The following EVI5 variants were observed in gnomAD, a reference collection of about 807,000 sequenced individuals.
The protein encoded by EVI5 is ecotropic viral integration site 5 protein homolog.
In EVI5, 73 loss-of-function variants were observed where a neutral mutation model predicts 112.0. The observed-to-expected ratio is 0.65, with a 90% CI of 0.54 to 0.79. EVI5 has a LOEUF of 0.79. Ranked by LOEUF, EVI5 falls within the 30% of genes least tolerant of loss-of-function variation. The pLI is 0.00. For missense variants in EVI5, 900 were observed against 968.8 expected (o/e 0.93, Z 0.94); for synonymous variants, 305 against 319.9 (o/e 0.95, Z 0.50).
At chr1:92,703,333 A>G in intron 4 of EVI5, 62 bp downstream of exon 4, 1 of 1,012,158 alleles carries the variant, frequency 9.9e-7, no homozygotes, top group South Asian at 1.6e-5. Flanking sequence ...ATCATGAAAA[A>G]TGTATAATTT....
intron 1 of EVI5, among the ~76,000 whole-genome samples, chr1:92,738,641 T>G (rs191231488): frequency 6.6e-6 from 1 of 152,176 alleles, no homozygotes; most frequent in East Asian, 1.9e-4. Context: ...TAGACCTCAC[T>G]GAAATGGAAT....
Position 92,611,317 on chromosome 1 carries a change from C to CA in EVI5, c.1828-3591dup, listed in dbSNP as rs544942134. Among the ~76,000 whole-genome samples, 39 of 151,878 alleles carry CA rather than the reference C, an allele frequency of 2.6e-4. No homozygotes were observed. In the South Asian group the frequency reaches 7.1e-3, roughly 27 times the overall value. On this transcript the variant is annotated intron_variant, in intron 16 of 19. Transcript: ENST00000684568. ...AAATGTCTAGCAGATATTTCAATGG[C>CA]AAAAATTCATAATGCTTAAAAAAGA...
At position 92,513,935 on chromosome 1, in the gene EVI5, G is replaced by A. The variant is rs1359092754; in HGVS notation, c.2202C>T (p.Gly734=). 6 of 1,585,270 alleles carry A rather than the reference G, an allele frequency of 3.8e-6. No homozygotes were observed. The South Asian group carries it at 5.8e-5, about 15-fold the overall frequency. ...TGTGGATTCCATCAAAAGGAGGTTG[G>A]CCTGAGAAGCCCCTCTGGCCTTTTA... is the stretch of plus-strand genomic sequence containing the variant. ...RCLKGQRGFS[G]QPPFDGIHIV... is the part of the protein sequence containing the mutation. Residue 734 remains glycine (G), a synonymous_variant, in exon 20 of 20, where the codon GGC becomes GGT. Coordinates refer to ENST00000684568, the MANE Select transcript of EVI5 (RefSeq NM_001350197.2).
rs903319398 is a variant in EVI5, at chr1:92,511,723, T to C, written c.*1933A>G. Reference sequence around the variant, plus strand: ...TTACTAGCTTGTAACCACAGATAAGTTATTTAACCACCAGAATTTAGCCTG... The same window carrying C: ...TTACTAGCTTGTAACCACAGATAAGCTATTTAACCACCAGAATTTAGCCTG... On this transcript the variant is annotated 3_prime_UTR_variant, in exon 20 of 20. Coordinates refer to ENST00000684568, the MANE Select transcript of EVI5 (RefSeq NM_001350197.2). The C allele has an allele frequency of 6.6e-6, 1 of 152,070 alleles. No homozygotes were observed. The highest frequency in any genetic ancestry group is 2.4e-5 in the African/African-American group (1 of 41,390). 9.4% of individuals were successfully genotyped at this position (152,070 alleles called of 1,614,324 possible).
At chr1:92,589,224 T>A (rs1673304623) in intron 18 of EVI5, among the ~76,000 whole-genome samples, 1 of 152,176 alleles carries the variant, frequency 6.6e-6, no homozygotes, top group South Asian at 2.1e-4. Context: ...CATTTCCAAC[T>A]GAGGTACTGC....
intron 16 of EVI5, 82 bp from the exon 17 acceptor site, chr1:92,607,809 T>C: frequency 5.9e-6 from 5 of 841,174 alleles, no homozygotes; most frequent in Non-Finnish European, 7.1e-6. Flanking sequence ...TTTTATACCA[T>C]AACATTATTA....
upstream of EVI5, among the ~76,000 whole-genome samples, chr1:92,786,113 TATA>T (rs1037035960): frequency 1.3e-5 from 2 of 151,416 alleles, no homozygotes; most frequent in South Asian, 2.1e-4. Context: ...GGACAAAAAT[TATA>T]ATAATTAGCA....
At chr1:92,583,033 C>A (rs1298059069) in intron 18 of EVI5, among the ~76,000 whole-genome samples, 1 of 152,070 alleles carries the variant, frequency 6.6e-6, no homozygotes, top group African/African-American at 2.4e-5. Flanking sequence ...CATATACTCA[C>A]AAATGCTTTT....
chr1:92,697,729 T>C, intron 6 of EVI5, 131 bp downstream of exon 6: 1 of 731,368 alleles, frequency 1.4e-6, no homozygotes, highest in Non-Finnish European at 2.2e-6. Flanking sequence ...CAAAAAACAA[T>C]CATGTAATTA....
intron 18 of EVI5, among the ~76,000 whole-genome samples, chr1:92,575,280 C>T (rs1670884176): frequency 6.6e-6 from 1 of 152,118 alleles, no homozygotes; most frequent in Non-Finnish European, 1.5e-5. Flanking sequence ...GATTTTTTTC[C>T]TGAACCACTG....
chr1:92,644,231 G>T lies in EVI5; in HGVS notation c.1393-7895C>A, dbSNP rs899632127. Among the ~76,000 whole-genome samples the T allele has an allele frequency of 5.3e-5, 8 of 152,162 alleles. 1 individual carries two copies. Among genetic ancestry groups the T allele is most frequent in the African/African-American group, 1.9e-4 (8 of 41,438 alleles). The stretch of plus-strand genomic sequence containing the variant: ...CACAATTTATATCATGTGCCTTCCT[G>T]ATTTAAAGCAAAAAGAAGTTTACAA... On this transcript the variant is annotated intron_variant, in intron 13 of 19. Transcript: ENST00000684568.
upstream of EVI5, among the ~76,000 whole-genome samples, chr1:92,786,112 T>A (rs1365538191): frequency 1.1e-4 from 16 of 150,622 alleles, no homozygotes; most frequent in Non-Finnish European, 1.5e-5. Flanking sequence ...GGGACAAAAA[T>A]TATAATAATT....
intron 2 of EVI5, among the ~76,000 whole-genome samples, chr1:92,714,800 A>G (rs529245229): frequency 6.6e-6 from 1 of 152,258 alleles, no homozygotes; most frequent in African/African-American, 2.4e-5. Context: ...AATGTTGCCC[A>G]GGCTGGTCTT....
chr1:92,648,466 A>T (rs1161155568), intron 13 of EVI5, among the ~76,000 whole-genome samples: 3 of 152,142 alleles, frequency 2.0e-5, no homozygotes, highest in African/African-American at 7.2e-5. Flanking sequence ...ATGACCATCC[A>T]CATCTAGTTC....
At chr1:92,672,280 T>C (rs1444660888) in intron 10 of EVI5, among the ~76,000 whole-genome samples, 6 of 152,146 alleles carry the variant, frequency 3.9e-5, no homozygotes, top group Non-Finnish European at 8.8e-5. Context: ...AAAGCCAAAG[T>C]CCTTACCACT....
chr1:92,533,515 T>C (rs1663270062), intron 19 of EVI5, among the ~76,000 whole-genome samples: 1 of 152,090 alleles, frequency 6.6e-6, no homozygotes, highest in South Asian at 2.1e-4. Flanking sequence ...CTGATGAACA[T>C]TGGTGTGAAA....
intron 19 of EVI5, among the ~76,000 whole-genome samples, chr1:92,526,969 T>C (rs1412205812): frequency 6.6e-6 from 1 of 152,198 alleles, no homozygotes; most frequent in Non-Finnish European, 1.5e-5. Flanking sequence ...GTAACTCTCT[T>C]AATTTTCCAC....
At chr1:92,759,161 T>TA (rs2102978050) in intron 1 of EVI5, among the ~76,000 whole-genome samples, 1 of 152,108 alleles carries the variant, frequency 6.6e-6, no homozygotes, top group Non-Finnish European at 1.5e-5. Flanking sequence ...GGGCAGAGGT[T>TA]ACAGTGAGCC....
rs887329323 is a variant in EVI5, at chr1:92,665,858, A to C, written c.1212+81T>G. On this transcript the variant is annotated intron_variant, in intron 11 of 19. Transcript: ENST00000684568. ...CTACAACATAGGAGACATGTGCCAG[A>C]ATTTTTGAGGATTTTTAATAAATAT... The C allele has an allele frequency of 7.0e-6, 7 of 1,004,030 alleles. No homozygotes were observed. In the African/African-American group the frequency reaches 9.8e-5, roughly 14 times the overall value. The allele number at this position is 1,004,030 out of a possible 1,614,324, so 62.2% of individuals were successfully genotyped here. A position where few individuals can be genotyped will look rare whatever the true frequency, so the allele number is the denominator to read the frequency against.
Sources: allele counts gnomAD v4.1 joint callset (sites outside exome capture counted in the v4.1 genomes callset), GRCh38; gene constraint gnomAD v4.1.1; transcripts MANE v1.5; gene names NCBI Gene and HGNC (gene_info 2026-07-23, HGNC 2026-07-21).